The following ZNF292 variants were observed in gnomAD, a reference collection of about 807,000 sequenced individuals.
ZNF292 encodes the protein zinc finger protein 292, also known as 16 zinc-finger domain protein.
Under a neutral mutation model 217.9 loss-of-function variants are expected in ZNF292, and 26 were observed. The ratio of observed to expected loss-of-function variants is 0.12; its 90% CI spans 0.09 to 0.17. The LOEUF is 0.17. ZNF292 is among the 10% of genes least tolerant of loss of function. ZNF292 has a pLI of 1.00. For missense variants in ZNF292, 2,904 were observed against 3,175.2 expected (o/e 0.91, Z 2.05); for synonymous variants, 1,257 against 1,124.1 (o/e 1.12, Z -2.37).
At chr6:87,191,759 C>T (rs1472338664) in intron 1 of ZNF292, among the ~76,000 whole-genome samples, 2 of 152,144 alleles carry the variant, frequency 1.3e-5, no homozygotes, top group African/African-American at 2.4e-5. Flanking sequence ...ATCCGCTTCC[C>T]GGGTTCAAGC....
At chr6:87,187,032 T>C (rs1437841930) in intron 1 of ZNF292, among the ~76,000 whole-genome samples, 1 of 152,240 alleles carries the variant, frequency 6.6e-6, no homozygotes, top group Non-Finnish European at 1.5e-5. Context: ...ATCATTCTGG[T>C]CTTTTTTAGT....
In ZNF292 at chr6:87,259,284, A is replaced by G; in HGVS notation, c.5655A>G (p.Pro1885=). ...KSTADITVIQ[P]VSEMINIQFN... is the part of the protein sequence containing the mutation. ...CTGCAGATATCACAGTTATTCAGCC[A>G]GTTTCTGAAATGATAAACATTCAAT... Residue 1885 remains proline (P), a synonymous_variant, in exon 8 of 8, where the codon CCA becomes CCG. Transcript: ENST00000369577. 6.8e-6 allele frequency: 11 copies of G among 1,613,662 alleles called. No individual in the cohort carries two copies. The highest frequency in any genetic ancestry group is 9.3e-6 in the Non-Finnish European group (11 of 1,179,690).
Position 87,259,218 on chromosome 6 carries a change from A to G in ZNF292, c.5589A>G (p.Ile1863Met), listed in dbSNP as rs771712809. Residue 1863 changes from isoleucine (I) to methionine (M), a missense_variant, in exon 8 of 8, where the codon ATA becomes ATG. Coordinates refer to ENST00000369577, the MANE Select transcript of ZNF292 (RefSeq NM_015021.3). Reference sequence around the variant, plus strand: ...CTCCAGCATCCCAATGTGTACTGATAAATACATCAGTGACACTGACTCCCA... The same window carrying G: ...CTCCAGCATCCCAATGTGTACTGATGAATACATCAGTGACACTGACTCCCA... Reference protein sequence around the residue: ...LSTPASQCVLINTSVTLTPTP... With the variant: ...LSTPASQCVLMNTSVTLTPTP... 1.2e-6 allele frequency: 2 copies of G among 1,613,672 alleles called. No homozygotes were observed. The highest frequency in any genetic ancestry group is 2.2e-5 in the South Asian group (2 of 91,080).
At position 87,256,119 on chromosome 6, in the gene ZNF292, T is replaced by C; in HGVS notation, c.2490T>C (p.Asp830=). The C allele has an allele frequency of 1.9e-6, 3 of 1,613,662 alleles. No homozygotes were observed. The highest frequency in any genetic ancestry group is 1.7e-6 in the Non-Finnish European group (2 of 1,179,786). The change falls in exon 8 of 8, where the codon GAT becomes GAC. Residue 830 remains aspartate (D), a synonymous_variant. Coordinates refer to ENST00000369577, the MANE Select transcript of ZNF292 (RefSeq NM_015021.3). ...SQGELEKHLD[D]HSTPPEKVLP... ...GTGAGCTGGAAAAGCATCTGGATGA[T>C]CACAGTACTCCTCCTGAAAAAGTGC...
chr6:87,207,554 ATTCT>A (rs984604633), intron 1 of ZNF292, among the ~76,000 whole-genome samples: 8 of 152,218 alleles, frequency 5.3e-5, no homozygotes, highest in African/African-American at 1.9e-4. Flanking sequence ...TGTGAAACAT[ATTCT>A]TTATTTCATG....
At chr6:87,188,519 C>A (rs1257366068) in intron 1 of ZNF292, among the ~76,000 whole-genome samples, 2 of 151,894 alleles carry the variant, frequency 1.3e-5, no homozygotes, top group Non-Finnish European at 2.9e-5. Flanking sequence ...TTGTATATAT[C>A]CAAGAGTGAT....
chr6:87,209,574 C>T (rs1180077950), intron 1 of ZNF292, among the ~76,000 whole-genome samples: 2 of 152,168 alleles, frequency 1.3e-5, no homozygotes, highest in South Asian at 2.1e-4. Flanking sequence ...CCAAAGTTTA[C>T]ATGATGTGTG....
chr6:87,201,242 G>T (rs1487918707), intron 1 of ZNF292, among the ~76,000 whole-genome samples: 2 of 152,214 alleles, frequency 1.3e-5, no homozygotes, highest in South Asian at 2.1e-4. Flanking sequence ...CCTTTTATTT[G>T]ATTTTCTATG....
Position 87,254,889 on chromosome 6 carries a change from G to GAATCTTCCA in ZNF292, c.1262_1270dup (p.Asn421_Pro423dup), listed in dbSNP as rs1253902134. On this transcript the variant is annotated inframe_insertion, in exon 8 of 8. Transcript: ENST00000369577. ...AGCCAGACCAGAAATATGATGAAGA[G>GAATCTTCCA]AATCTTCCAATACCAAATTCTTTAC... The GAATCTTCCA allele has an allele frequency of 6.2e-7, 1 of 1,613,794 alleles. No individual in the cohort carries two copies. The highest frequency in any genetic ancestry group is 1.1e-5 in the South Asian group (1 of 91,068).
intron 4 of ZNF292, among the ~76,000 whole-genome samples, chr6:87,224,460 C>A (rs540000317): frequency 6.8e-5 from 10 of 146,060 alleles, no homozygotes; most frequent in Non-Finnish European, 1.1e-4. Context: ...AAAAAAAAAA[C>A]AACAAAAAAA....
intron 1 of ZNF292, among the ~76,000 whole-genome samples, chr6:87,185,594 C>T (rs1455766340): frequency 1.3e-5 from 2 of 152,044 alleles, no homozygotes; most frequent in Non-Finnish European, 2.9e-5. Context: ...TTCCTCCCAC[C>T]TCAGCTGGGA....
At chr6:87,229,654 G>A (rs1366704164) in intron 4 of ZNF292, among the ~76,000 whole-genome samples, 4 of 152,062 alleles carry the variant, frequency 2.6e-5, no homozygotes, top group Non-Finnish European at 4.4e-5. Flanking sequence ...TCAAACTCTC[G>A]ACCTCAGGTG....
chr6:87,200,094 G>A (rs1772063203), intron 1 of ZNF292, among the ~76,000 whole-genome samples: 1 of 152,136 alleles, frequency 6.6e-6, no homozygotes. Flanking sequence ...TGGGCTTGTA[G>A]GTCTCTGAAG....
chr6:87,218,158 TTTC>T (rs1360777520), intron 3 of ZNF292, among the ~76,000 whole-genome samples: 3 of 152,170 alleles, frequency 2.0e-5, no homozygotes, highest in African/African-American at 7.2e-5. Flanking sequence ...ATTTAGTTAT[TTTC>T]TTTTTGTAAT....
rs558523163 is a variant in ZNF292, at chr6:87,257,528, A to G, written c.3899A>G (p.Gln1300Arg). 33 of 1,608,622 alleles carry G rather than the reference A, an allele frequency of 2.1e-5. No homozygotes were observed. The South Asian group carries it at 2.8e-4, about 14-fold the overall frequency. ...LENNTNHYSS[Q>R]IEGNTNSSFL... is the part of the protein sequence containing the mutation. ...AATAATACAAATCATTATTCCTCACAGATTGAAGGAAACACTAATTCCTCC... is the reference window on the plus strand; with the variant it reads ...AATAATACAAATCATTATTCCTCACGGATTGAAGGAAACACTAATTCCTCC... The change falls in exon 8 of 8, where the codon CAG (glutamine) becomes CGG (arginine). Residue 1300 changes from glutamine to arginine, a missense_variant. Gln to Arg is a conservative substitution (Grantham distance 43). Transcript: ENST00000369577.
chr6:87,245,057 A>T (rs1040347251), intron 6 of ZNF292, among the ~76,000 whole-genome samples: 1 of 152,150 alleles, frequency 6.6e-6, no homozygotes, highest in Admixed American at 6.5e-5. Flanking sequence ...CCTGGCCAAC[A>T]TGGTGAAACC....
chr6:87,158,780 G>A (rs753801101), intron 1 of ZNF292, among the ~76,000 whole-genome samples: 4 of 152,214 alleles, frequency 2.6e-5, no homozygotes, highest in African/African-American at 7.2e-5. Context: ...GAATTTATTG[G>A]CGCAATCTAA....
In ZNF292 at chr6:87,156,997, A is replaced by G. The variant is rs535819616; in HGVS notation, c.168+1238A>G. 2.0e-5 allele frequency among the ~76,000 whole-genome samples: 3 copies of G among 152,320 alleles called. No individual in the cohort carries two copies. The South Asian group carries it at 6.2e-4, about 32-fold the overall frequency. ...GAGAATTCGTTTTGGAAAAATACTG[A>G]TCTTAACGTAGAACAATGGTTGACC... On this transcript the variant is annotated intron_variant, in intron 1 of 7. Transcript: ENST00000369577.
At chr6:87,188,432 C>T (rs1771727572) in intron 1 of ZNF292, among the ~76,000 whole-genome samples, 1 of 152,036 alleles carries the variant, frequency 6.6e-6, no homozygotes, top group Non-Finnish European at 1.5e-5. Context: ...CTATTATAAG[C>T]CTCTATGCTT....
Sources: allele counts gnomAD v4.1 joint callset (sites outside exome capture counted in the v4.1 genomes callset), GRCh38; gene constraint gnomAD v4.1.1; transcripts MANE v1.5; gene names NCBI Gene and HGNC (gene_info 2026-07-23, HGNC 2026-07-21).